The following SLC24A2 variants were observed in gnomAD, a reference collection of about 807,000 sequenced individuals.
SLC24A2 encodes the protein solute carrier family 24 member 2.
SLC24A2 carries 36 observed loss-of-function variants against 62.0 expected under a neutral mutation model. The observed-to-expected ratio is 0.58, with a 90% confidence interval of 0.44 to 0.77. The LOEUF (loss-of-function observed/expected upper bound fraction) is 0.77, where lower values mean the gene tolerates loss of function less well. SLC24A2 is among the 30% of genes least tolerant of loss of function. SLC24A2 has a pLI of 0.00. For synonymous variants in SLC24A2, 358 were observed against 294.0 expected (o/e 1.22, Z -2.23); for missense variants, 846 against 817.9 (o/e 1.03, Z -0.42).
the SLC24A2 span, among the ~76,000 whole-genome samples, chr9:20,036,858 A>G: frequency 6.6e-5 from 10 of 151,768 alleles, no homozygotes; most frequent in African/African-American, 2.4e-4. Context: ...GTGTGTGTGT[A>G]TATACATATG....
Position 19,760,387 on chromosome 9 carries a change from C to T in SLC24A2, c.930+25550G>A, listed in dbSNP as rs117053170. 3.7e-4 allele frequency among the ~76,000 whole-genome samples: 57 copies of T among 152,192 alleles called. No homozygotes were observed. The East Asian group carries it at 7.2e-3, about 19-fold the overall frequency. ...TTCTTACTTTTATTTTTTTATTATACTTTAAATTCTGGGATACATGTGCAG... is the reference window on the plus strand; with the variant it reads ...TTCTTACTTTTATTTTTTTATTATATTTTAAATTCTGGGATACATGTGCAG... On this transcript the variant is annotated intron_variant, in intron 2 of 10. Coordinates refer to ENST00000341998, the MANE Select transcript of SLC24A2 (RefSeq NM_020344.4).
rs1202867082 is a variant in SLC24A2 at position 19,557,811 on chromosome 9, TTTC to T, written c.1348-7546_1348-7544del. Reference sequence around the variant, plus strand: ...TTTCTAATGGTCTAAATGGCTCACATTTCTTTTTTTTTTTTTTGAGACAGGGTC... The same window carrying T: ...TTTCTAATGGTCTAAATGGCTCACATTTTTTTTTTTTTTTGAGACAGGGTC... On this transcript the variant is annotated intron_variant, in intron 7 of 10. Transcript: ENST00000341998. Among the ~76,000 whole-genome samples, 4 of 148,782 alleles carry T rather than the reference TTTC, an allele frequency of 2.7e-5. No homozygotes were observed. The East Asian group carries it at 7.7e-4, about 29-fold the overall frequency.
chr9:19,627,805 A>C (rs1448129820), intron 2 of SLC24A2, among the ~76,000 whole-genome samples: 1 of 152,138 alleles, frequency 6.6e-6, no homozygotes, highest in Non-Finnish European at 1.5e-5. Context: ...AAGTGCTGAG[A>C]TTTTAGGTGT....
the SLC24A2 span, among the ~76,000 whole-genome samples, chr9:20,005,652 G>A: frequency 6.6e-6 from 1 of 151,916 alleles, no homozygotes; most frequent in African/African-American, 2.4e-5. Flanking sequence ...GGGTGGGACA[G>A]GGTATTTCTT....
At chr9:20,046,004 C>T in the SLC24A2 span, among the ~76,000 whole-genome samples, 1 of 152,150 alleles carries the variant, frequency 6.6e-6, no homozygotes, top group Non-Finnish European at 1.5e-5. Context: ...AACAGGTCTA[C>T]TCACCCCCAG....
the SLC24A2 span, among the ~76,000 whole-genome samples, chr9:20,291,237 C>A: frequency 6.6e-6 from 1 of 151,896 alleles, no homozygotes; most frequent in African/African-American, 2.4e-5. Flanking sequence ...AAGAGAAGGG[C>A]CAGGAGAGAA....
the SLC24A2 span, among the ~76,000 whole-genome samples, chr9:20,072,725 G>T: frequency 1.3e-5 from 2 of 151,998 alleles, no homozygotes; most frequent in African/African-American, 4.8e-5. Context: ...AATGATATAA[G>T]TAGAGAGTAG....
chr9:19,988,837 C>T, the SLC24A2 span, among the ~76,000 whole-genome samples: 1 of 152,130 alleles, frequency 6.6e-6, no homozygotes, highest in African/African-American at 2.4e-5. Flanking sequence ...CCCTTTCACT[C>T]CAGATCTAAG....
the SLC24A2 span, among the ~76,000 whole-genome samples, chr9:19,869,876 T>C: frequency 2.7e-4 from 41 of 152,364 alleles, no homozygotes; most frequent in African/African-American, 9.6e-4. Context: ...TTCAAGCTAC[T>C]GTCTGGTGTC....
At chr9:20,153,805 G>C in the SLC24A2 span, among the ~76,000 whole-genome samples, 1 of 151,884 alleles carries the variant, frequency 6.6e-6, no homozygotes, top group Non-Finnish European at 1.5e-5. Flanking sequence ...GCATTGTTTT[G>C]GAATATAGGG....
At chr9:20,100,733 T>C in the SLC24A2 span, among the ~76,000 whole-genome samples, 22 of 152,358 alleles carry the variant, frequency 1.4e-4, no homozygotes, top group African/African-American at 5.3e-4. Context: ...AGATTCAAGT[T>C]GTCAGTCTGA....
intron 2 of SLC24A2, among the ~76,000 whole-genome samples, chr9:19,734,207 A>T (rs926210977): frequency 6.6e-6 from 1 of 150,860 alleles, no homozygotes; most frequent in African/African-American, 2.5e-5. Flanking sequence ...GATATGTGGC[A>T]TTATTTCTGA....
chr9:19,655,242 G>C (rs1310564969), intron 2 of SLC24A2, among the ~76,000 whole-genome samples: 1 of 152,218 alleles, frequency 6.6e-6, no homozygotes, highest in East Asian at 1.9e-4. Context: ...TGAGAAGTGA[G>C]CTCATGATTG....
At chr9:20,284,917 A>C in the SLC24A2 span, among the ~76,000 whole-genome samples, 1 of 152,252 alleles carries the variant, frequency 6.6e-6, no homozygotes, top group Non-Finnish European at 1.5e-5. Context: ...TTTTAAGGAC[A>C]TAAAAGCTAC....
chr9:19,702,436 C>T lies in SLC24A2; in HGVS notation c.931-80137G>A, dbSNP rs139199388. On this transcript the variant is annotated intron_variant, in intron 2 of 10. Transcript: ENST00000341998. ...TCATCACAAACAAATGATCTCGATA[C>T]ACTTTGGGGTTCTGCAAGATTTAAC... 1.6e-4 allele frequency among the ~76,000 whole-genome samples: 24 copies of T among 152,310 alleles called. No homozygotes were observed. In the East Asian group the frequency reaches 4.4e-3, roughly 28 times the overall value.
the SLC24A2 span, among the ~76,000 whole-genome samples, chr9:19,960,424 T>G: frequency 1.3e-5 from 2 of 152,198 alleles, no homozygotes; most frequent in Non-Finnish European, 1.5e-5. Flanking sequence ...GAGCTGCAGT[T>G]TGGAAACCAA....
the SLC24A2 span, among the ~76,000 whole-genome samples, chr9:20,153,181 C>G: frequency 6.6e-6 from 1 of 152,036 alleles, no homozygotes; most frequent in East Asian, 1.9e-4. Context: ...TTTTTCTCTG[C>G]AAAGGGTTCA....
chr9:19,872,689 A>T, the SLC24A2 span, among the ~76,000 whole-genome samples: 5 of 152,172 alleles, frequency 3.3e-5, no homozygotes, highest in African/African-American at 1.2e-4. Context: ...CAAGTAGTAT[A>T]ATATTAACCT....
the SLC24A2 span, among the ~76,000 whole-genome samples, chr9:20,197,427 CT>C: frequency 1.5e-3 from 142 of 93,154 alleles, no homozygotes; most frequent in Middle Eastern, 6.8e-3. Flanking sequence ...CTCTCTCTCT[CT>C]TTTTTTTTTT....
Sources: gnomAD v4.1 joint callset for allele counts (sites outside exome capture counted in the v4.1 genomes callset) on GRCh38, gnomAD v4.1.1 for gene constraint, MANE v1.5 for transcripts, NCBI Gene and HGNC (gene_info 2026-07-23, HGNC 2026-07-21) for gene names.